ARFGEF1: variants seen among roughly 807,000 people sequenced by gnomAD.
The protein encoded by ARFGEF1 is ARF guanine nucleotide exchange factor 1.
A neutral mutation model predicts 231.0 loss-of-function variants in ARFGEF1; 42 were observed. The ratio of observed to expected loss-of-function variants is 0.18; its 90% CI spans 0.14 to 0.24. The LOEUF (loss-of-function observed/expected upper bound fraction) is 0.24, where lower values mean the gene tolerates loss of function less well. Ranked by LOEUF, ARFGEF1 falls within the 10% of genes least tolerant of loss-of-function variation. The probability of loss-of-function intolerance (pLI) is 1.00; values close to 1 mark genes in which losing one functional copy is unlikely to be tolerated. For synonymous variants in ARFGEF1, 710 were observed against 732.3 expected (o/e 0.97, Z 0.49); for missense variants, 1,345 against 2,192.0 (o/e 0.61, Z 7.72).
At chr8:67,258,032 G>C in intron 16 of ARFGEF1, 53 bp downstream of exon 16, 1 of 1,487,134 alleles carries the variant, frequency 6.7e-7, no homozygotes, top group Non-Finnish European at 9.4e-7. Flanking sequence ...ATGCTACCTA[G>C]CACAGTGGTT....
chr8:67,218,119 G>A lies in ARFGEF1; in HGVS notation c.4358C>T (p.Thr1453Ile), dbSNP rs1307431671. 6.7e-7 allele frequency: 1 copy of A among 1,489,920 alleles called. No homozygotes were observed. Among genetic ancestry groups the A allele is most frequent in the East Asian group, 2.5e-5 (1 of 40,166 alleles). 92.3% of individuals were successfully genotyped at this position (1,489,920 alleles called of 1,614,324 possible). The change falls in exon 31 of 39, where the codon ACA becomes ATA. Residue 1453 changes from threonine (T) to isoleucine (I), a missense_variant. Thr to Ile is a moderately conservative substitution (Grantham distance 89). Transcript: ENST00000262215. The stretch of plus-strand genomic sequence containing the variant: ...TGCATAAAGTGCATGATTGCAAGTT[G>A]TTGTCATCCATTCAGCTTTCTGGGG... ...QQTEKAEWMTTTCNHALYAIC... is the reference protein window; with the variant it reads ...QQTEKAEWMTITCNHALYAIC...
intron 7 of ARFGEF1, among the ~76,000 whole-genome samples, chr8:67,281,428 C>T (rs926510310): frequency 1.3e-5 from 2 of 151,848 alleles, no homozygotes; most frequent in Non-Finnish European, 2.9e-5. Context: ...AAGATAAAAG[C>T]ATCTTTTAAT....
At chr8:67,283,292 T>C (rs1805613985) in intron 7 of ARFGEF1, among the ~76,000 whole-genome samples, 1 of 152,190 alleles carries the variant, frequency 6.6e-6, no homozygotes, top group South Asian at 2.1e-4. Flanking sequence ...AGTAAGAATG[T>C]ATATCACACC....
intron 5 of ARFGEF1, among the ~76,000 whole-genome samples, chr8:67,188,469 C>T (rs547184157): frequency 1.5e-3 from 221 of 152,298 alleles, no homozygotes; most frequent in African/African-American, 5.1e-3. Flanking sequence ...AATCATATAT[C>T]GCCTGAGAGC....
chr8:67,188,714 C>G (rs980638699), intron 5 of ARFGEF1, among the ~76,000 whole-genome samples: 2 of 152,220 alleles, frequency 1.3e-5, no homozygotes, highest in African/African-American at 2.4e-5. Context: ...CCCTCCGGAT[C>G]TGGCAGGATG....
intron 1 of ARFGEF1, among the ~76,000 whole-genome samples, chr8:67,314,599 TG>T (rs1405246064): frequency 6.6e-6 from 1 of 152,082 alleles, no homozygotes; most frequent in Non-Finnish European, 1.5e-5. Context: ...CTTCTGCAGT[TG>T]GGGCACTCAC....
At chr8:67,225,135 G>A in intron 28 of ARFGEF1, 102 bp from the exon 29 acceptor site, 1 of 1,068,372 alleles carries the variant, frequency 9.4e-7, no homozygotes, top group Non-Finnish European at 1.3e-6. Context: ...CAAATAACCA[G>A]TGAGCAATTT....
chr8:67,227,367 C>T, intron 26 of ARFGEF1, 58 bp from the exon 27 acceptor site: 1 of 1,595,920 alleles, frequency 6.3e-7, no homozygotes, highest in Non-Finnish European at 8.6e-7. Flanking sequence ...ATCAGTTTTT[C>T]CCCCTTTCTT....
intron 28 of ARFGEF1, 92 bp from the exon 29 acceptor site, chr8:67,225,125 C>G (rs1055152472): frequency 8.6e-7 from 1 of 1,167,082 alleles, no homozygotes; most frequent in Non-Finnish European, 1.1e-6. Context: ...AAATGCTTCA[C>G]AAATAACCAG....
At chr8:67,193,405 C>A, downstream of ARFGEF1, 2 of 1,512,242 alleles carry the variant, frequency 1.3e-6, no homozygotes, top group South Asian at 1.2e-5. Context: ...CCCTGATTCA[C>A]TGATTTGTGA....
At position 67,251,311 on chromosome 8, in the gene ARFGEF1, C is replaced by T; in HGVS notation, c.2838G>A (p.Arg946=). Reference sequence around the variant, plus strand: ...TGAAAATTCTAACCTTAAACATGGGCCTCACATGCTCCAAATGTGTTGCAC... The same window carrying T: ...TGAAAATTCTAACCTTAAACATGGGTCTCACATGCTCCAAATGTGTTGCAC... ...FTSATHLEHV[R]PMFKLAWTPF... is the part of the protein sequence containing the mutation. Residue 946 remains arginine, a synonymous_variant, in exon 19 of 39, where the codon AGG becomes AGA. Coordinates refer to ENST00000262215, the MANE Select transcript of ARFGEF1 (RefSeq NM_006421.5). 1 of 1,598,702 alleles carries T rather than the reference C, an allele frequency of 6.3e-7. No individual in the cohort carries two copies. Among genetic ancestry groups the T allele is most frequent in the South Asian group, 1.1e-5 (1 of 87,488 alleles).
At chr8:67,210,792 C>T (rs1421223467) in intron 34 of ARFGEF1, among the ~76,000 whole-genome samples, 1 of 151,908 alleles carries the variant, frequency 6.6e-6, no homozygotes, top group Non-Finnish European at 1.5e-5. Flanking sequence ...CAGTGGCTCA[C>T]GCCTGTAATC....
chr8:67,245,259 G>T (rs549087394), intron 19 of ARFGEF1, among the ~76,000 whole-genome samples: 1 of 150,452 alleles, frequency 6.6e-6, no homozygotes, highest in South Asian at 2.1e-4. Context: ...ACATTAATGA[G>T]TAAGAAGAAA....
chr8:67,243,189 G>A (rs1026698029), intron 19 of ARFGEF1, among the ~76,000 whole-genome samples: 2 of 152,218 alleles, frequency 1.3e-5, no homozygotes, highest in African/African-American at 4.8e-5. Flanking sequence ...CACCGTTACT[G>A]GACTTGGGGT....
At chr8:67,181,026 A>C (rs1206813476) in intron 5 of ARFGEF1, among the ~76,000 whole-genome samples, 1 of 151,548 alleles carries the variant, frequency 6.6e-6, no homozygotes, top group Non-Finnish European at 1.5e-5. Flanking sequence ...TTTTTCTCTT[A>C]ATGGTTTTTT....
intron 1 of ARFGEF1, among the ~76,000 whole-genome samples, chr8:67,336,814 T>C (rs1808362131): frequency 6.6e-6 from 1 of 151,936 alleles, no homozygotes; most frequent in African/African-American, 2.4e-5. Context: ...ATTTCTTTGA[T>C]AAAAAAACCT....
At chr8:67,242,041 C>T (rs1038221312) in intron 19 of ARFGEF1, among the ~76,000 whole-genome samples, 1 of 152,200 alleles carries the variant, frequency 6.6e-6, no homozygotes, top group Non-Finnish European at 1.5e-5. Context: ...GCCAGACAGG[C>T]ATCACCCATC....
At chr8:67,200,718 T>C (rs1838296540) in intron 37 of ARFGEF1, among the ~76,000 whole-genome samples, 1 of 152,262 alleles carries the variant, frequency 6.6e-6, no homozygotes. Flanking sequence ...GAAGCCATTG[T>C]AACTTACCAG....
At chr8:67,232,099 T>C (rs1839573198) in intron 23 of ARFGEF1, among the ~76,000 whole-genome samples, 1 of 152,024 alleles carries the variant, frequency 6.6e-6, no homozygotes, top group Non-Finnish European at 1.5e-5. Context: ...AAGTTTTATC[T>C]GAAGCAAAGT....
Sources: gnomAD v4.1 joint callset for allele counts (sites outside exome capture counted in the v4.1 genomes callset) on GRCh38, gnomAD v4.1.1 for gene constraint, MANE v1.5 for transcripts, NCBI Gene and HGNC (gene_info 2026-07-23, HGNC 2026-07-21) for gene names.